TSPOAP1: variants seen among roughly 807,000 people sequenced by gnomAD.
TSPOAP1 encodes the protein TSPO associated protein 1.
In TSPOAP1, 87 loss-of-function variants were observed where a neutral mutation model predicts 197.0. The ratio of observed to expected loss-of-function variants is 0.44; its 90% confidence interval spans 0.37 to 0.53. The LOEUF is 0.53. TSPOAP1 is among the 20% of genes least tolerant of loss of function. The pLI is 0.00. For missense variants in TSPOAP1, 2,174 were observed against 2,411.3 expected (o/e 0.90, Z 2.06); for synonymous variants, 913 against 998.9 (o/e 0.91, Z 1.62).
intron 17 of TSPOAP1, 85 bp from the exon 18 acceptor site, chr17:58,311,807 G>A (rs988416715): frequency 1.1e-5 from 16 of 1,489,244 alleles, no homozygotes; most frequent in East Asian, 2.3e-5. Flanking sequence ...CCCTGATAAC[G>A]CAAATAAGAT....
chr17:58,316,628 T>A, intron 14 of TSPOAP1, 88 bp from the exon 15 acceptor site: 1 of 1,057,422 alleles, frequency 9.5e-7, no homozygotes, highest in Non-Finnish European at 1.4e-6. Flanking sequence ...CCAGAGGACC[T>A]ATTGCTTTAA....
At chr17:58,327,498 A>T (rs1450131412) in intron 1 of TSPOAP1, 90 bp downstream of exon 1, 1 of 1,344,008 alleles carries the variant, frequency 7.4e-7, no homozygotes, top group Admixed American at 2.0e-5. Context: ...GGCATTGGGG[A>T]TGCATACCTC....
At position 58,310,048 on chromosome 17, in the gene TSPOAP1, C is replaced by T. The variant is rs771250002; in HGVS notation, c.3810G>A (p.Glu1270=). The change falls in exon 21 of 32, where the codon GAG becomes GAA. Residue 1270 remains glutamate, a synonymous_variant. Coordinates refer to ENST00000343736, the MANE Select transcript of TSPOAP1 (RefSeq NM_004758.4). Reference sequence around the variant, plus strand: ...TCCTGGAACCCAGCTCCTCTTCCTCCTCCTCCTCCTCCTCTTCCTCTTCCT... The same window carrying T: ...TCCTGGAACCCAGCTCCTCTTCCTCTTCCTCCTCCTCCTCTTCCTCTTCCT... ...IQEEEEEEEE[E]EEEELGSRTC... 1.4e-5 allele frequency: 23 copies of T among 1,613,366 alleles called. No individual in the cohort carries two copies. The Admixed American group carries it at 3.2e-4, about 22-fold the overall frequency.
At position 58,327,728 on chromosome 17, in the gene TSPOAP1, C is replaced by G. The variant is rs780869105; in HGVS notation, c.193G>C (p.Gly65Arg). 2 of 1,614,086 alleles carry G rather than the reference C, an allele frequency of 1.2e-6. No homozygotes were observed. The highest frequency in any genetic ancestry group is 2.7e-5 in the African/African-American group (2 of 74,958). ...CCCACGGGCCTGGAGCTCCCGTCTC[C>G]TTTGGGCTTGGAACTCTCCTCAGAC... ...LRSEESSKPK[G>R]DGSSRPVGGT... The change falls in exon 1 of 32, where the codon GGA becomes CGA. Residue 65 changes from glycine to arginine, a missense_variant. Around this residue, in one of 5 missense-constraint regions of TSPOAP1, gnomAD observed 1,933 missense variants for 2,139.0 expected, o/e 0.90. Transcript: ENST00000343736.
Position 58,327,630 on chromosome 17 carries a change from G to C in TSPOAP1, c.291C>G (p.Ala97=), listed in dbSNP as rs754641482. Residue 97 remains alanine (A), a synonymous_variant, in exon 1 of 32, where the codon GCC becomes GCG. Coordinates refer to ENST00000343736, the MANE Select transcript of TSPOAP1 (RefSeq NM_004758.4). ...LGQQASSSGP[A]CQRPEDEEVE... ...CTTCCTCATCCTCTGGCCTCTGGCA[G>C]GCGGGTCCAGAGCTGGATGCTTGCT... The C allele has an allele frequency of 1.9e-6, 3 of 1,613,562 alleles. No homozygotes were observed. The highest frequency in any genetic ancestry group is 1.7e-4 in the Middle Eastern group (1 of 6,060).
rs1971524157 is a variant in TSPOAP1 at position 58,324,805 on chromosome 17, G to T, written c.942+6C>A. The T allele has an allele frequency of 4.1e-6, 6 of 1,451,598 alleles. No individual in the cohort carries two copies. The highest frequency in any genetic ancestry group is 5.1e-5 in the East Asian group (2 of 39,570). The allele number at this position is 1,451,598 out of a possible 1,614,324, so 89.9% of individuals were successfully genotyped here. ...CCCACACACCTGCCCTTGCGCCGGC[G>T]CTCACCTCTCCCGGGGCCCCGGGAG... On this transcript the variant is annotated splice_donor_region_variant and intron_variant, in intron 5 of 31. Transcript: ENST00000343736. The surrounding 1 kb of genome is among the most constrained non-coding windows in gnomAD (Gnocchi z 5.8).
At chr17:58,312,836 G>A in intron 16 of TSPOAP1, 114 bp from the exon 17 acceptor site, 1 of 750,840 alleles carries the variant, frequency 1.3e-6, no homozygotes, top group Non-Finnish European at 2.1e-6. Context: ...TTCAGCATTT[G>A]ATTCAAATCA....
At position 58,306,960 on chromosome 17, in the gene TSPOAP1, C is replaced by T. The variant is rs1324702246; in HGVS notation, c.4992G>A (p.Gly1664=). ...GGTAGAAGCCATCGGCATCCTTGTCCCCAAACACCTGGAGGCAAAACCAGT... is the reference window on the plus strand; with the variant it reads ...GGTAGAAGCCATCGGCATCCTTGTCTCCAAACACCTGGAGGCAAAACCAGT... ...FREGQILKVF[G]DKDADGFYQG... Residue 1664 remains glycine (G), a synonymous_variant, in exon 25 of 32, where the codon GGG becomes GGA. Coordinates refer to ENST00000343736, the MANE Select transcript of TSPOAP1 (RefSeq NM_004758.4). 6.2e-7 allele frequency: 1 copy of T among 1,612,228 alleles called. No individual in the cohort carries two copies. Among genetic ancestry groups the T allele is most frequent in the Non-Finnish European group, 8.5e-7 (1 of 1,179,778 alleles).
Position 58,319,228 on chromosome 17 carries a change from C to T in TSPOAP1, c.1561G>A (p.Glu521Lys), listed in dbSNP as rs772016817. Residue 521 changes from glutamate (E) to lysine (K), a missense_variant, in exon 13 of 32, where the codon GAA becomes AAA. Physicochemically the swap from Glu to Lys is moderately conservative, Grantham distance 56. Transcript: ENST00000343736. ...QTEQFSLLAQELQAFRLHPGP... is the reference protein window; with the variant it reads ...QTEQFSLLAQKLQAFRLHPGP... ...GGGTGCAGGCGGAAAGCCTGGAGTT[C>T]CTGTGCCAGGAGGCTGAACTGCTCG... The T allele has an allele frequency of 4.4e-6, 7 of 1,598,960 alleles. No individual in the cohort carries two copies. The highest frequency in any genetic ancestry group is 6.0e-6 in the Non-Finnish European group (7 of 1,172,940).
Position 58,308,824 on chromosome 17 carries a change from T to C in TSPOAP1, c.4448A>G (p.Glu1483Gly), listed in dbSNP as rs1348007544. 6.2e-7 allele frequency: 1 copy of C among 1,612,370 alleles called. No homozygotes were observed. The highest frequency in any genetic ancestry group is 2.2e-5 in the East Asian group (1 of 44,870). ...SRRCSRGRAL[E>G]PGLASCLSPK... is the part of the protein sequence containing the mutation. ...GGAAAGGCAGCTGGCCAGGCCAGGC[T>C]CCAGCGCCCGGCCACGGGAGCACCT... is the stretch of plus-strand genomic sequence containing the variant. The change falls in exon 22 of 32, where the codon GAG becomes GGG. Residue 1483 changes from glutamate to glycine, a missense_variant. Around this residue, in one of 5 missense-constraint regions of TSPOAP1, gnomAD observed 1,933 missense variants for 2,139.0 expected, o/e 0.90. Coordinates refer to ENST00000343736, the MANE Select transcript of TSPOAP1 (RefSeq NM_004758.4).
Position 58,327,785 on chromosome 17 carries a change from G to C in TSPOAP1, c.136C>G (p.Pro46Ala), listed in dbSNP as rs1374404127. The change falls in exon 1 of 32, where the codon CCT becomes GCT. Residue 46 changes from proline to alanine, a missense_variant. Pro to Ala is a conservative substitution (Grantham distance 27). Coordinates refer to ENST00000343736, the MANE Select transcript of TSPOAP1 (RefSeq NM_004758.4). ...TCTTGAAGCTGCAGAGCTGCCGGAG[G>C]AGTATCAGCGATGCTTGGGGCTGCA... ...SSAAPSIADT[P>A]PAALQLQELR... The C allele has an allele frequency of 1.2e-6, 2 of 1,614,182 alleles. No homozygotes were observed. Among genetic ancestry groups the C allele is most frequent in the South Asian group, 2.2e-5 (2 of 91,084 alleles).
intron 11 of TSPOAP1, among the ~76,000 whole-genome samples, 173 bp from the exon 12 acceptor site, chr17:58,320,302 G>GT (rs1971367555): frequency 6.6e-6 from 1 of 152,116 alleles, no homozygotes; most frequent in Non-Finnish European, 1.5e-5. Context: ...GCCTCTGGGG[G>GT]TGGCAGCAAT....
chr17:58,305,856 T>C lies in TSPOAP1; in HGVS notation c.5234A>G (p.Glu1745Gly), dbSNP rs1425565296. The C allele has an allele frequency of 1.2e-6, 2 of 1,612,560 alleles. No individual in the cohort carries two copies. The highest frequency in any genetic ancestry group is 1.7e-6 in the Non-Finnish European group (2 of 1,179,738). The change falls in exon 27 of 32, where the codon GAA (glutamate) becomes GGA (glycine). Residue 1745 changes from glutamate (E) to glycine (G), a missense_variant. Physicochemically the swap from Glu to Gly is moderately conservative, Grantham distance 98 (BLOSUM62 -2). Coordinates refer to ENST00000343736, the MANE Select transcript of TSPOAP1 (RefSeq NM_004758.4). ...ACCTGGACAGGGCTGGGCAGGGCCT[T>C]CCGACTCAGCTGTGGAAAGAATGTG... ...KPRRSKKAES[E>G]GPAQPCPGPP...
At chr17:58,319,983 T>C in intron 12 of TSPOAP1, 126 bp downstream of exon 12, 2 of 1,288,414 alleles carry the variant, frequency 1.6e-6, no homozygotes, top group Non-Finnish European at 2.2e-6. Context: ...CCCTATGGAT[T>C]CTCATGCCTG....
chr17:58,319,262 G>A lies in TSPOAP1; in HGVS notation c.1527C>T (p.Arg509=). The A allele has an allele frequency of 6.3e-7, 1 of 1,596,396 alleles. No individual in the cohort carries two copies. Among genetic ancestry groups the A allele is most frequent in the Non-Finnish European group, 8.5e-7 (1 of 1,171,622 alleles). Residue 509 remains arginine, a synonymous_variant, in exon 13 of 32, where the codon CGC becomes CGT. Transcript: ENST00000343736. The stretch of plus-strand genomic sequence containing the variant: ...GGAGGCTGAACTGCTCGGTTTGGCT[G>A]CGGCACTGTTCTTCGAGCTCTCGAA... ...ARVRELEEQC[R]SQTEQFSLLA... is the part of the protein sequence containing the mutation.
In TSPOAP1 at chr17:58,304,165, AG is replaced by A; in HGVS notation, c.*32+172del. The A allele has an allele frequency of 1.7e-6, 1 of 583,252 alleles. No individual in the cohort carries two copies. The allele number at this position is 583,252 out of a possible 1,614,324, so 36.1% of individuals were successfully genotyped here. A position where few individuals can be genotyped will look rare whatever the true frequency, so the allele number is the denominator to read the frequency against. On this transcript the variant is annotated intron_variant, in intron 31 of 31. Coordinates refer to ENST00000343736, the MANE Select transcript of TSPOAP1 (RefSeq NM_004758.4). This position sits in a 1 kb window ranked among gnomAD's most constrained non-coding sequence, Gnocchi z 4.2. ...TAAAGGCAAGGCAAGGGGAGCAGGG[AG>A]GGGGAGGGATGACTCTTCATGCAAA...
In TSPOAP1 at chr17:58,325,667, C is replaced by G. The variant is rs372277972; in HGVS notation, c.617G>C (p.Arg206Pro). The G allele has an allele frequency of 1.9e-6, 3 of 1,612,984 alleles. No homozygotes were observed. Among genetic ancestry groups the G allele is most frequent in the South Asian group, 1.1e-5 (1 of 91,054 alleles). ...PRPGTSLELCRKALARQRARD... is the reference protein window; with the variant it reads ...PRPGTSLELCPKALARQRARD... ...GGCTCGCTGGCGGGCTAGGGCCTTCCGACACAACTCCAAGCTGGTCCCCGG... is the reference window on the plus strand; with the variant it reads ...GGCTCGCTGGCGGGCTAGGGCCTTCGGACACAACTCCAAGCTGGTCCCCGG... Residue 206 changes from arginine (R) to proline (P), a missense_variant, in exon 4 of 32, where the codon CGG (arginine) becomes CCG (proline). Arg to Pro is a moderately radical substitution (Grantham distance 103). This residue lies in a region of TSPOAP1 where 1,933 missense variants were observed against 2,139.0 expected (regional missense o/e 0.90). Coordinates refer to ENST00000343736, the MANE Select transcript of TSPOAP1 (RefSeq NM_004758.4).
At chr17:58,315,437 G>T (rs1971199168) in intron 16 of TSPOAP1, among the ~76,000 whole-genome samples, 1 of 152,228 alleles carries the variant, frequency 6.6e-6, no homozygotes, top group Admixed American at 6.5e-5. Flanking sequence ...CCAAGGCCAT[G>T]TCTTCCGCAG....
At chr17:58,317,400 G>A (rs749596214) in intron 14 of TSPOAP1, among the ~76,000 whole-genome samples, 20 of 152,132 alleles carry the variant, frequency 1.3e-4, no homozygotes, top group Non-Finnish European at 2.2e-4. Flanking sequence ...ACAGCCCAGG[G>A]CACCGCAACC....
Sources: gnomAD v4.1 joint callset for allele counts (sites outside exome capture counted in the v4.1 genomes callset) on GRCh38, gnomAD v4.1.1 for gene constraint, gnomAD v4.1.1 regional missense constraint, Gnocchi (gnomAD v3.1) non-coding constraint, MANE v1.5 for transcripts, NCBI Gene and HGNC (gene_info 2026-07-23, HGNC 2026-07-21) for gene names.